Variants in PARD3 observed in about 807,000 individuals in gnomAD.
PARD3 encodes par-3 family cell polarity regulator, also known as partitioning defective 3 homolog.
In PARD3, 75 loss-of-function variants were observed where a neutral mutation model predicts 155.4. The observed-to-expected ratio is 0.48, with a 90% confidence interval of 0.40 to 0.58. PARD3 has a LOEUF of 0.58. Ranked by LOEUF, PARD3 falls within the 20% of genes least tolerant of loss-of-function variation. PARD3 has a pLI of 0.00. For missense variants in PARD3, 1,642 were observed against 1,721.7 expected, an observed-to-expected ratio of 0.95 and a Z score of 0.82; for synonymous variants, 576 against 610.5, an observed-to-expected ratio of 0.94 and a Z score of 0.83.
chr10:34,795,624 C>T (rs568718401), intron 1 of PARD3, among the ~76,000 whole-genome samples: 2 of 152,042 alleles, frequency 1.3e-5, no homozygotes, highest in Non-Finnish European at 2.9e-5. Flanking sequence ...AAAAACCGGG[C>T]GTGGTGGCTC....
intron 22 of PARD3, among the ~76,000 whole-genome samples, chr10:34,259,941 T>C (rs1037350075): frequency 6.6e-6 from 1 of 152,150 alleles, no homozygotes; most frequent in Non-Finnish European, 1.5e-5. Flanking sequence ...ACTCCTGGAC[T>C]CAATGATCCT....
At chr10:34,706,900 G>GAGTT (rs1409852777) in intron 1 of PARD3, among the ~76,000 whole-genome samples, 1 of 151,982 alleles carries the variant, frequency 6.6e-6, no homozygotes, top group East Asian at 1.9e-4. Flanking sequence ...TTGAGCCCAG[G>GAGTT]AGTTAGAGAC....
intron 3 of PARD3, among the ~76,000 whole-genome samples, chr10:34,488,421 G>A (rs1330759460): frequency 1.6e-4 from 25 of 152,142 alleles, no homozygotes. Context: ...CCAGGCAGAA[G>A]GGATCCTCCC....
intron 2 of PARD3, among the ~76,000 whole-genome samples, chr10:34,545,673 G>T (rs1198255452): frequency 6.6e-6 from 1 of 152,152 alleles, no homozygotes; most frequent in African/African-American, 2.4e-5. Context: ...CCCTGCCTCA[G>T]CCTCTAGAGT....
At chr10:34,464,676 C>A (rs1214092635) in intron 4 of PARD3, among the ~76,000 whole-genome samples, 2 of 152,210 alleles carry the variant, frequency 1.3e-5, no homozygotes, top group South Asian at 2.1e-4. Flanking sequence ...ACTATAAGAA[C>A]TCAACACATA....
Position 34,491,532 on chromosome 10 carries a change from C to T in PARD3, c.404-21269G>A, listed in dbSNP as rs1257621517. Among the ~76,000 whole-genome samples, 3 of 152,196 alleles carry T rather than the reference C, an allele frequency of 2.0e-5. No individual in the cohort carries two copies. In the East Asian group the frequency reaches 5.8e-4, roughly 29 times the overall value. On this transcript the variant is annotated intron_variant, in intron 3 of 24. Coordinates refer to ENST00000374788, the MANE Select transcript of PARD3 (RefSeq NM_001184785.2). ...TGGGAATGATAACACATGCACATGA[C>T]TCCCCAAGGAAGTAAACAAATTTAC...
chr10:34,376,420 T>TAA (rs1302287643), intron 10 of PARD3, among the ~76,000 whole-genome samples: 2 of 152,156 alleles, frequency 1.3e-5, no homozygotes, highest in African/African-American at 4.8e-5. Flanking sequence ...AAAGGACAGA[T>TAA]ATTTTTTTGG....
chr10:34,287,278 G>A (rs980345842), intron 20 of PARD3, among the ~76,000 whole-genome samples: 2 of 151,974 alleles, frequency 1.3e-5, no homozygotes, highest in Admixed American at 6.6e-5. Flanking sequence ...GAGGTATTCC[G>A]AAGGTAAACC....
At chr10:34,270,693 T>A (rs1043441512) in intron 21 of PARD3, among the ~76,000 whole-genome samples, 2 of 152,116 alleles carry the variant, frequency 1.3e-5, no homozygotes, top group African/African-American at 4.8e-5. Flanking sequence ...ACACCATAAC[T>A]CTTCATTAGT....
intron 5 of PARD3, among the ~76,000 whole-genome samples, chr10:34,436,701 T>G (rs116053712): frequency 0.016 from 2,455 of 152,326 alleles, 61 homozygotes; most frequent in African/African-American, 0.056. Flanking sequence ...GTAAATAACC[T>G]TAATGCCCAT....
intron 3 of PARD3, among the ~76,000 whole-genome samples, chr10:34,507,179 C>T (rs976874339): frequency 2.6e-5 from 4 of 152,144 alleles, no homozygotes; most frequent in South Asian, 4.2e-4. Context: ...ACCAAAACTA[C>T]GGGAGAATAT....
intron 5 of PARD3, among the ~76,000 whole-genome samples, chr10:34,428,490 G>C (rs2075736768): frequency 6.6e-6 from 1 of 151,824 alleles, no homozygotes; most frequent in Admixed American, 6.6e-5. Context: ...ATCTCTAAAA[G>C]AAAAAAGAGG....
chr10:34,563,929 T>G (rs902524596), intron 2 of PARD3, among the ~76,000 whole-genome samples: 2 of 152,202 alleles, frequency 1.3e-5, no homozygotes, highest in Non-Finnish European at 2.9e-5. Flanking sequence ...TAGATAAAAT[T>G]CATACCTGTT....
chr10:34,600,721 T>C (rs1053585500), intron 2 of PARD3, among the ~76,000 whole-genome samples: 2 of 152,160 alleles, frequency 1.3e-5, no homozygotes, highest in Non-Finnish European at 2.9e-5. Context: ...GAAAGACTCC[T>C]CCCCAAACAG....
intron 2 of PARD3, among the ~76,000 whole-genome samples, chr10:34,556,000 G>C (rs1380074118): frequency 6.6e-6 from 1 of 152,174 alleles, no homozygotes; most frequent in South Asian, 2.1e-4. Flanking sequence ...CTTGTGGCTA[G>C]AACTATGATA....
chr10:34,270,731 A>G (rs1955572936), intron 21 of PARD3, among the ~76,000 whole-genome samples: 1 of 152,168 alleles, frequency 6.6e-6, no homozygotes, highest in South Asian at 2.1e-4. Context: ...GCTTAATGAC[A>G]TCGACTCTGT....
At chr10:34,739,516 G>C (rs1033584431) in intron 1 of PARD3, among the ~76,000 whole-genome samples, 1 of 152,086 alleles carries the variant, frequency 6.6e-6, no homozygotes, top group African/African-American at 2.4e-5. Flanking sequence ...GGAGAGAGGC[G>C]AGGGCAGGGG....
At chr10:34,637,463 T>C (rs1453384699) in intron 2 of PARD3, among the ~76,000 whole-genome samples, 1 of 152,230 alleles carries the variant, frequency 6.6e-6, no homozygotes, top group Non-Finnish European at 1.5e-5. Context: ...TGATCCTGTG[T>C]ATCAGGCCCT....
intron 1 of PARD3, among the ~76,000 whole-genome samples, chr10:34,725,150 TGA>T (rs1491335822): frequency 1.1e-4 from 11 of 98,348 alleles, no homozygotes; most frequent in African/African-American, 3.9e-4. Flanking sequence ...TGTGTGTGTG[TGA>T]CAGAGAGAGA....
Sources: allele counts gnomAD v4.1 joint callset (sites outside exome capture counted in the v4.1 genomes callset), GRCh38; gene constraint gnomAD v4.1.1; transcripts MANE v1.5; gene names NCBI Gene and HGNC (gene_info 2026-07-23, HGNC 2026-07-21).